Variants in KRT23 observed in about 807,000 individuals in gnomAD.
KRT23 encodes keratin, type I cytoskeletal 23.
In KRT23, 38 loss-of-function variants were observed where a neutral mutation model predicts 47.6. The ratio of observed to expected loss-of-function variants is 0.80; its 90% CI spans 0.62 to 1.05. KRT23 has a LOEUF of 1.05. Ranked by LOEUF, KRT23 falls within the 50% of genes least tolerant of loss-of-function variation. KRT23 has a pLI of 0.00. For synonymous variants in KRT23, 191 were observed against 199.0 expected, an observed-to-expected ratio of 0.96 and a Z score of 0.34; for missense variants, 503 against 529.5, an observed-to-expected ratio of 0.95 and a Z score of 0.49.
In KRT23 at chr17:40,928,284, C is replaced by T. The variant is rs115236336; in HGVS notation, c.875G>A (p.Arg292His). 160 of 1,614,134 alleles carry T rather than the reference C, an allele frequency of 9.9e-5. No homozygotes were observed. In the African/African-American group the frequency reaches 1.7e-3, roughly 17 times the overall value. Residue 292 changes from arginine to histidine, a missense_variant, in exon 6 of 9, where the codon CGC becomes CAC. Physicochemically the swap from Arg to His is conservative, Grantham distance 29 (BLOSUM62 0). Coordinates refer to ENST00000209718, the MANE Select transcript of KRT23 (RefSeq NM_015515.5). ...GTCAATCTCCAGGGCCTGGAATGTG[C>T]GCTTCAGTTCGTGGATGTCACCTTG... is the stretch of plus-strand genomic sequence containing the variant. ...SRQGDIHELK[R>H]TFQALEIDLQ... is the part of the protein sequence containing the mutation.
chr17:40,928,389 A>T (rs780434610), intron 5 of KRT23, 29 bp from the exon 6 acceptor site: 30 of 1,614,084 alleles, frequency 1.9e-5, no homozygotes, highest in Non-Finnish European at 8.5e-7. Flanking sequence ...CAAAGGCGTC[A>T]GCATTGGGAC....
At position 40,922,888 on chromosome 17, in the gene KRT23, T is replaced by C; in HGVS notation, c.*101A>G. The C allele has an allele frequency of 1.3e-6, 1 of 794,592 alleles. No individual in the cohort carries two copies. The highest frequency in any genetic ancestry group is 2.1e-6 in the Non-Finnish European group (1 of 473,656). 49.2% of individuals were successfully genotyped at this position (794,592 alleles called of 1,614,324 possible). A position where few individuals can be genotyped will look rare whatever the true frequency, so the allele number is the denominator to read the frequency against. ...AAAAAATAAAAGTTTCTGAGTCTGA[T>C]AATTCCAAGGGTATCTTTTAGAACT... On this transcript the variant is annotated 3_prime_UTR_variant, in exon 9 of 9. Coordinates refer to ENST00000209718, the MANE Select transcript of KRT23 (RefSeq NM_015515.5).
chr17:40,934,561 T>C (rs750176350), intron 2 of KRT23, among the ~76,000 whole-genome samples: 2 of 152,334 alleles, frequency 1.3e-5, no homozygotes, highest in South Asian at 4.1e-4. Flanking sequence ...TGAGACAATG[T>C]GTATGAAGTA....
intron 6 of KRT23, 122 bp downstream of exon 6, chr17:40,928,116 A>ATGGAAAG: frequency 8.1e-7 from 1 of 1,231,628 alleles, no homozygotes; most frequent in Non-Finnish European, 1.2e-6. Flanking sequence ...AACAATTTGG[A>ATGGAAAG]TGGAAAGTGG....
At position 40,925,339 on chromosome 17, in the gene KRT23, C is replaced by A. The variant is rs1208013261; in HGVS notation, c.1142+15G>T. On this transcript the variant is annotated intron_variant, in intron 7 of 8. Transcript: ENST00000209718. Reference sequence around the variant, plus strand: ...GGTCCCTCGCATGCTCCTCTCGTGCCAGCCTTTGCCTTACCCTTCACTCTC... The same window carrying A: ...GGTCCCTCGCATGCTCCTCTCGTGCAAGCCTTTGCCTTACCCTTCACTCTC... 6.2e-7 allele frequency: 1 copy of A among 1,609,882 alleles called. No homozygotes were observed.
chr17:40,930,325 T>C (rs1054219748), intron 3 of KRT23, among the ~76,000 whole-genome samples: 1 of 152,232 alleles, frequency 6.6e-6, no homozygotes, highest in Non-Finnish European at 1.5e-5. Context: ...AACAGTCATA[T>C]ACCCATTATC....
chr17:40,925,693 G>T, intron 6 of KRT23, 119 bp from the exon 7 acceptor site: 1 of 728,886 alleles, frequency 1.4e-6, no homozygotes, highest in Non-Finnish European at 2.4e-6. Context: ...TAGCTGCTGA[G>T]GACACCAAGA....
intron 6 of KRT23, 22 bp downstream of exon 6, chr17:40,928,216 G>A (rs371474469): frequency 5.0e-6 from 8 of 1,613,682 alleles, no homozygotes; most frequent in South Asian, 1.1e-5. Context: ...TGGGATTCAC[G>A]GTTTTCCTAG....
intron 8 of KRT23, among the ~76,000 whole-genome samples, chr17:40,923,888 G>T (rs1248560990): frequency 6.6e-6 from 1 of 152,192 alleles, no homozygotes; most frequent in Non-Finnish European, 1.5e-5. Context: ...AGATATTAAA[G>T]GTAATCTGAG....
intron 6 of KRT23, among the ~76,000 whole-genome samples, chr17:40,926,389 C>T (rs1859253): frequency 0.38 from 57,459 of 152,098 alleles, 11,184 homozygotes; most frequent in East Asian, 0.57. Context: ...CAGTCTCCTA[C>T]TCTCCCAGGA....
At position 40,925,414 on chromosome 17, in the gene KRT23, T is replaced by C. The variant is rs1456553257; in HGVS notation, c.1082A>G (p.Lys361Arg). The change falls in exon 7 of 9, where the codon AAA (lysine) becomes AGA (arginine). Residue 361 changes from lysine to arginine, a missense_variant. Physicochemically the swap from Lys to Arg is conservative, Grantham distance 26. Transcript: ENST00000209718. ...GGTGATTTCCTTCTCCAGGTGGGTT[T>C]TGATGCCCAGCAGCACTTGGTATTC... ...NNEYQVLLGI[K>R]THLEKEITTY... 1.2e-6 allele frequency: 2 copies of C among 1,614,102 alleles called. No homozygotes were observed. Among genetic ancestry groups the C allele is most frequent in the Non-Finnish European group, 1.7e-6 (2 of 1,180,036 alleles).
intron 6 of KRT23, among the ~76,000 whole-genome samples, chr17:40,926,881 C>A (rs184289465): frequency 3.4e-4 from 52 of 152,086 alleles, no homozygotes; most frequent in African/African-American, 1.2e-3. Flanking sequence ...TGTCTTCCTC[C>A]CTCTTCCCCT....
intron 2 of KRT23, among the ~76,000 whole-genome samples, chr17:40,933,952 A>T (rs1909872041): frequency 1.3e-5 from 2 of 152,194 alleles, no homozygotes; most frequent in Admixed American, 1.3e-4. Context: ...GGAGAGGAAA[A>T]CAGAATGTTT....
intron 8 of KRT23, among the ~76,000 whole-genome samples, chr17:40,923,869 T>A (rs1258999970): frequency 6.6e-6 from 1 of 152,228 alleles, no homozygotes; most frequent in Admixed American, 6.5e-5. Flanking sequence ...CTCCTGCAAC[T>A]TTTCTGTGAG....
At chr17:40,929,875 G>C in intron 4 of KRT23, 65 bp downstream of exon 4, 1 of 1,454,036 alleles carries the variant, frequency 6.9e-7, no homozygotes, top group Non-Finnish European at 9.4e-7. Flanking sequence ...TGTAGCTGTC[G>C]AATCAGCCTG....
In KRT23 at chr17:40,922,844, G is replaced by A; in HGVS notation, c.*145C>T. On this transcript the variant is annotated 3_prime_UTR_variant, in exon 9 of 9. Coordinates refer to ENST00000209718, the MANE Select transcript of KRT23 (RefSeq NM_015515.5). ...TATTAAGAGCATTATGAGAAGTCTGGTGAGACTGTTACAGAAAAAAAAAAT... is the reference window on the plus strand; with the variant it reads ...TATTAAGAGCATTATGAGAAGTCTGATGAGACTGTTACAGAAAAAAAAAAT... 1.6e-6 allele frequency: 1 copy of A among 614,476 alleles called. No homozygotes were observed. Among genetic ancestry groups the A allele is most frequent in the Non-Finnish European group, 2.9e-6 (1 of 346,152 alleles). 38.1% of individuals were successfully genotyped at this position (614,476 alleles called of 1,614,324 possible).
chr17:40,926,060 A>G (rs1909205943), intron 6 of KRT23, among the ~76,000 whole-genome samples: 1 of 152,116 alleles, frequency 6.6e-6, no homozygotes. Context: ...TAAACTGAGT[A>G]TTCTATATTT....
intron 4 of KRT23, among the ~76,000 whole-genome samples, chr17:40,929,188 T>G (rs71371457): frequency 6.6e-5 from 10 of 151,198 alleles, no homozygotes; most frequent in African/African-American, 2.5e-4. Context: ...AGTGACAACA[T>G]AGTTAAGCAG....
intron 8 of KRT23, 127 bp from the exon 9 acceptor site, chr17:40,923,210 G>A (rs1365486412): frequency 1.5e-6 from 1 of 678,328 alleles, no homozygotes; most frequent in Admixed American, 2.6e-5. Flanking sequence ...ACTAAGCAAT[G>A]AGGTGGGCTC....
Sources: allele counts gnomAD v4.1 joint callset (sites outside exome capture counted in the v4.1 genomes callset), GRCh38; gene constraint gnomAD v4.1.1; transcripts MANE v1.5; gene names NCBI Gene and HGNC (gene_info 2026-07-23, HGNC 2026-07-21).